The following CDK7 variants were observed in gnomAD, a reference collection of about 807,000 sequenced individuals.
CDK7 encodes the protein cyclin-dependent kinase 7.
A neutral mutation model predicts 49.1 loss-of-function variants in CDK7; 25 were observed. The ratio of observed to expected loss-of-function variants is 0.51; its 90% CI spans 0.37 to 0.71. The LOEUF (loss-of-function observed/expected upper bound fraction) is 0.71. Ranked by LOEUF, CDK7 falls within the 30% of genes least tolerant of loss-of-function variation. CDK7 has a pLI of 0.00. For missense variants in CDK7, 316 were observed against 411.7 expected, an observed-to-expected ratio of 0.77 and a Z score of 2.01; for synonymous variants, 107 against 140.0, an observed-to-expected ratio of 0.76 and a Z score of 1.67.
intron 2 of CDK7, among the ~76,000 whole-genome samples, chr5:69,250,100 G>A (rs545485819): frequency 2.0e-5 from 3 of 152,198 alleles, no homozygotes; most frequent in Non-Finnish European, 4.4e-5. Flanking sequence ...TTTGGTGAGG[G>A]TATGTTTTCC....
intron 9 of CDK7, among the ~76,000 whole-genome samples, chr5:69,270,425 G>A (rs950421508): frequency 2.0e-5 from 3 of 152,192 alleles, no homozygotes; most frequent in Non-Finnish European, 2.9e-5. Context: ...ACCAGCATGA[G>A]TAACTGAGTG....
At chr5:69,253,758 A>G (rs1214508004) in intron 3 of CDK7, among the ~76,000 whole-genome samples, 4 of 152,156 alleles carry the variant, frequency 2.6e-5, no homozygotes, top group Admixed American at 2.6e-4. Flanking sequence ...GATAAGGTGA[A>G]ATATTTTTCA....
chr5:69,269,795 A>G (rs2150228677), intron 9 of CDK7, among the ~76,000 whole-genome samples: 1 of 151,472 alleles, frequency 6.6e-6, no homozygotes, highest in Non-Finnish European at 1.5e-5. Flanking sequence ...CGTGATGCCC[A>G]GGCTGGTCTC....
chr5:69,257,250 G>T (rs1750548518), intron 5 of CDK7, among the ~76,000 whole-genome samples: 1 of 152,050 alleles, frequency 6.6e-6, no homozygotes, highest in Admixed American at 6.6e-5. Flanking sequence ...TGATTATAGT[G>T]GTGGTTACAT....
Position 69,258,143 on chromosome 5 carries a change from T to C in CDK7, c.398T>C (p.Ile133Thr), listed in dbSNP as rs758716838. 4.5e-5 allele frequency: 68 copies of C among 1,520,822 alleles called. No homozygotes were observed. The highest frequency in any genetic ancestry group is 5.7e-5 in the Non-Finnish European group (63 of 1,107,800). 94.2% of individuals were successfully genotyped at this position (1,520,822 alleles called of 1,614,324 possible). A position where few individuals can be genotyped will look rare whatever the true frequency, so the allele number is the denominator to read the frequency against. Residue 133 changes from isoleucine to threonine, a missense_variant, in exon 6 of 12, where the codon ATC becomes ACC. By Grantham distance (89) the Ile-to-Thr change is moderately conservative. Transcript: ENST00000256443. The stretch of plus-strand genomic sequence containing the variant: ...TTAGAATATTTACATCAACATTGGA[T>C]CCTACATAGGGTAAGGTTTTTAATA... The part of the protein sequence containing the change: ...QGLEYLHQHW[I>T]LHRDLKPNNL...
At chr5:69,259,733 G>A (rs1189375078) in intron 6 of CDK7, 85 bp from the exon 7 acceptor site, 3 of 831,986 alleles carry the variant, frequency 3.6e-6, no homozygotes, top group African/African-American at 3.4e-5. Context: ...TTTTTGCTAA[G>A]TTTAAAGTTA....
At chr5:69,240,981 A>T (rs992912140) in intron 2 of CDK7, among the ~76,000 whole-genome samples, 1 of 152,132 alleles carries the variant, frequency 6.6e-6, no homozygotes, top group Admixed American at 6.6e-5. Context: ...TTCTTTATTC[A>T]TTCATTTGTT....
At chr5:69,235,664 T>A (rs1389184082) in intron 2 of CDK7, among the ~76,000 whole-genome samples, 1 of 152,228 alleles carries the variant, frequency 6.6e-6, no homozygotes, top group East Asian at 1.9e-4. Context: ...AAGAAGAAGC[T>A]GTATGTTATT....
intron 2 of CDK7, among the ~76,000 whole-genome samples, chr5:69,238,487 C>G (rs2932782): frequency 1.3e-5 from 2 of 151,024 alleles, no homozygotes; most frequent in Non-Finnish European, 1.5e-5. Flanking sequence ...GGGTCTCACT[C>G]TGTTGACTAG....
chr5:69,236,421 T>C (rs1189134187), intron 2 of CDK7, among the ~76,000 whole-genome samples: 1 of 152,156 alleles, frequency 6.6e-6, no homozygotes, highest in African/African-American at 2.4e-5. Context: ...TTGCTGAAGC[T>C]GGGATTTAAA....
At chr5:69,271,509 TTTTC>T (rs1251501629) in intron 9 of CDK7, among the ~76,000 whole-genome samples, 2 of 120,328 alleles carry the variant, frequency 1.7e-5, no homozygotes, top group East Asian at 2.8e-4. Flanking sequence ...GACAATTTTT[TTTTC>T]TTTTTTTTTT....
chr5:69,259,785 C>CTTAT, intron 6 of CDK7, 33 bp from the exon 7 acceptor site: 1 of 1,408,064 alleles, frequency 7.1e-7, no homozygotes, highest in Non-Finnish European at 1.0e-6. Flanking sequence ...CCCTACCCTG[C>CTTAT]TTATTTGTTT....
At chr5:69,253,193 G>T (rs1736729946) in intron 3 of CDK7, among the ~76,000 whole-genome samples, 2 of 152,112 alleles carry the variant, frequency 1.3e-5, no homozygotes, top group African/African-American at 4.8e-5. Context: ...TATTTATTAG[G>T]ATTCATCATA....
chr5:69,239,221 C>T (rs1749207506), intron 2 of CDK7, among the ~76,000 whole-genome samples: 1 of 152,260 alleles, frequency 6.6e-6, no homozygotes, highest in Middle Eastern at 3.4e-3. Context: ...ACTGTCCCAC[C>T]ACATTCTCAA....
intron 10 of CDK7, among the ~76,000 whole-genome samples, chr5:69,276,253 T>C (rs1752124984): frequency 6.6e-6 from 1 of 152,178 alleles, no homozygotes; most frequent in Non-Finnish European, 1.5e-5. Context: ...GATCTCGAAC[T>C]TCTGACCTCA....
Position 69,273,022 on chromosome 5 carries a change from C to A in CDK7, c.845C>A (p.Ala282Asp), listed in dbSNP as rs930744425. The change falls in exon 10 of 12, where the codon GCT (alanine) becomes GAT (aspartate). Residue 282 changes from alanine to aspartate, a missense_variant. Ala to Asp is a moderately radical substitution (Grantham distance 126). Coordinates refer to ENST00000256443, the MANE Select transcript of CDK7 (RefSeq NM_001799.4). ...IQGLFLFNPC[A>D]RITATQALKM... ...GGCTTATTCTTATTTAATCCATGTG[C>A]TCGAATTACGGCCACACAGGTATTT... 6.4e-7 allele frequency: 1 copy of A among 1,556,750 alleles called. No individual in the cohort carries two copies. Among genetic ancestry groups the A allele is most frequent in the African/African-American group, 1.4e-5 (1 of 73,302 alleles).
intron 10 of CDK7, among the ~76,000 whole-genome samples, chr5:69,276,277 C>G (rs1159122065): frequency 6.6e-6 from 1 of 152,160 alleles, no homozygotes; most frequent in Admixed American, 6.6e-5. Flanking sequence ...GATCCACCCG[C>G]CTCAGCCTCC....
At chr5:69,251,678 G>A (rs560847919) in intron 2 of CDK7, among the ~76,000 whole-genome samples, 58 of 152,106 alleles carry the variant, frequency 3.8e-4, no homozygotes, top group African/African-American at 1.3e-3. Context: ...CTGTAGGCAC[G>A]TGCCACCACT....
chr5:69,249,887 C>T (rs1000361272), intron 2 of CDK7, among the ~76,000 whole-genome samples: 7 of 152,192 alleles, frequency 4.6e-5, no homozygotes, highest in African/African-American at 1.7e-4. Context: ...ATGTCACTTG[C>T]ATCTTTCCAC....
Sources: allele counts gnomAD v4.1 joint callset (sites outside exome capture counted in the v4.1 genomes callset), GRCh38; gene constraint gnomAD v4.1.1; transcripts MANE v1.5; gene names NCBI Gene and HGNC (gene_info 2026-07-23, HGNC 2026-07-21).